Variants in SLC44A5 observed in about 807,000 individuals in gnomAD.
The protein encoded by SLC44A5 is choline transporter-like protein 5.
Under a neutral mutation model 101.8 loss-of-function variants are expected in SLC44A5, and 57 were observed. The ratio of observed to expected loss-of-function variants is 0.56; its 90% confidence interval spans 0.45 to 0.70. SLC44A5 has a LOEUF of 0.70. Among genes scored for constraint, SLC44A5 ranks in the 30% least tolerant of loss-of-function variants. The pLI, the probability that SLC44A5 is intolerant of heterozygous loss-of-function variation, is 0.00. For synonymous variants in SLC44A5, 281 were observed against 290.9 expected (o/e 0.97, Z 0.35); for missense variants, 737 against 853.1 (o/e 0.86, Z 1.70).
chr1:75,658,532 G>A, the SLC44A5 span, among the ~76,000 whole-genome samples: 1 of 151,956 alleles, frequency 6.6e-6, no homozygotes, highest in Non-Finnish European at 1.5e-5. Context: ...ACAACAAATG[G>A]GTCAATGAAG....
At chr1:75,701,395 AC>A in the SLC44A5 span, among the ~76,000 whole-genome samples, 4 of 152,254 alleles carry the variant, frequency 2.6e-5, no homozygotes, top group Non-Finnish European at 5.9e-5. Context: ...AACAGAACCA[AC>A]AACAAAAACC....
At position 75,203,981 on chromosome 1, in the gene SLC44A5, A is replaced by G; in HGVS notation, c.2048-148T>C. The G allele has an allele frequency of 2.0e-6, 2 of 995,598 alleles. 1 individual carries two copies. Among genetic ancestry groups the G allele is most frequent in the South Asian group, 4.4e-5 (2 of 45,964 alleles). 61.7% of individuals were successfully genotyped at this position (995,598 alleles called of 1,614,324 possible). A position where few individuals can be genotyped will look rare whatever the true frequency, so the allele number is the denominator to read the frequency against. ...TGTTTTTTAAACAGCATAGTTTGGC[A>G]TCAACATTATTGTAAACATAGTTAT... On this transcript the variant is annotated intron_variant, in intron 23 of 23. Coordinates refer to ENST00000370859, the MANE Select transcript of SLC44A5 (RefSeq NM_001130058.2).
At chr1:75,570,782 C>T (rs1029508826) in intron 1 of SLC44A5, among the ~76,000 whole-genome samples, 2 of 152,052 alleles carry the variant, frequency 1.3e-5, no homozygotes, top group African/African-American at 4.8e-5. Flanking sequence ...AGGCACTTAA[C>T]ACTGAACGAA....
At chr1:75,712,772 T>C in the SLC44A5 span, among the ~76,000 whole-genome samples, 1 of 151,698 alleles carries the variant, frequency 6.6e-6, no homozygotes, top group South Asian at 2.1e-4. Flanking sequence ...AAAAATTAGT[T>C]TTATAATTAC....
At chr1:75,708,413 CAAAAAAAA>C in the SLC44A5 span, among the ~76,000 whole-genome samples, 3 of 39,072 alleles carry the variant, frequency 7.7e-5, no homozygotes, top group African/African-American at 2.2e-4. Context: ...GACTCCGTCT[CAAAAAAAA>C]AAAAAAAAAA....
chr1:75,593,121 C>T (rs1382896413), intron 1 of SLC44A5, among the ~76,000 whole-genome samples: 2 of 151,942 alleles, frequency 1.3e-5, no homozygotes, highest in African/African-American at 4.8e-5. Flanking sequence ...CCAGAATACA[C>T]AAGGAACTCA....
At chr1:75,268,843 C>G (rs1326297299) in intron 6 of SLC44A5, among the ~76,000 whole-genome samples, 1 of 152,062 alleles carries the variant, frequency 6.6e-6, no homozygotes, top group African/African-American at 2.4e-5. Flanking sequence ...TTATAATTGA[C>G]TATACCGTAA....
chr1:75,344,197 T>C (rs1179344732), intron 3 of SLC44A5, among the ~76,000 whole-genome samples: 1 of 152,144 alleles, frequency 6.6e-6, no homozygotes, highest in Non-Finnish European at 1.5e-5. Context: ...TACTGGCCAC[T>C]GTGCCAAAGT....
the SLC44A5 span, among the ~76,000 whole-genome samples, chr1:75,683,887 C>T: frequency 6.6e-6 from 1 of 151,654 alleles, no homozygotes; most frequent in Non-Finnish European, 1.5e-5. Context: ...ATATTCCATG[C>T]AAACAGAAAA....
At chr1:75,418,067 A>G (rs1456582966) in intron 2 of SLC44A5, among the ~76,000 whole-genome samples, 1 of 152,256 alleles carries the variant, frequency 6.6e-6, no homozygotes, top group Non-Finnish European at 1.5e-5. Flanking sequence ...GGCACTAAAA[A>G]TACAGAAATA....
the SLC44A5 span, among the ~76,000 whole-genome samples, chr1:75,656,708 C>T: frequency 6.6e-6 from 1 of 152,006 alleles, no homozygotes; most frequent in Non-Finnish European, 1.5e-5. Context: ...TTAAAACATA[C>T]TGCCAGAGAA....
intron 2 of SLC44A5, among the ~76,000 whole-genome samples, chr1:75,417,815 T>G (rs1182602487): frequency 6.6e-6 from 1 of 152,162 alleles, no homozygotes; most frequent in Non-Finnish European, 1.5e-5. Context: ...AAATCCATAC[T>G]GAAAAGGATG....
chr1:75,482,255 C>G (rs1486589648), intron 2 of SLC44A5, among the ~76,000 whole-genome samples: 1 of 150,512 alleles, frequency 6.6e-6, no homozygotes, highest in Non-Finnish European at 1.5e-5. Flanking sequence ...GAACATCACA[C>G]TCTAGGGACT....
intron 2 of SLC44A5, among the ~76,000 whole-genome samples, chr1:75,407,182 A>G (rs143012747): frequency 1.3e-5 from 2 of 152,330 alleles, no homozygotes; most frequent in East Asian, 3.9e-4. Context: ...AAAGAGAACT[A>G]CAAACCACTG....
chr1:75,586,911 T>TC (rs1674036816), intron 1 of SLC44A5, among the ~76,000 whole-genome samples: 1 of 151,740 alleles, frequency 6.6e-6, no homozygotes, highest in Non-Finnish European at 1.5e-5. Context: ...TTTGTGATTT[T>TC]TTTTTTAAGT....
At chr1:75,287,619 T>C (rs1019117107) in intron 5 of SLC44A5, among the ~76,000 whole-genome samples, 1 of 152,066 alleles carries the variant, frequency 6.6e-6, no homozygotes, top group Non-Finnish European at 1.5e-5. Flanking sequence ...GCTGTTCAGA[T>C]TATTTTATCT....
intron 1 of SLC44A5, among the ~76,000 whole-genome samples, chr1:75,562,170 A>G (rs1157986626): frequency 6.6e-6 from 1 of 152,144 alleles, no homozygotes; most frequent in Non-Finnish European, 1.5e-5. Flanking sequence ...TAAAATTTTG[A>G]TGAACTCCTT....
chr1:75,293,444 G>T (rs534241117), intron 5 of SLC44A5, among the ~76,000 whole-genome samples: 1 of 152,140 alleles, frequency 6.6e-6, no homozygotes, highest in Admixed American at 6.5e-5. Flanking sequence ...AACACTTGCT[G>T]GTTGGGAATG....
chr1:75,384,148 C>T (rs1661121020), intron 3 of SLC44A5, among the ~76,000 whole-genome samples: 1 of 151,950 alleles, frequency 6.6e-6, no homozygotes, highest in South Asian at 2.1e-4. Flanking sequence ...ACTGCATGAA[C>T]TAACGAGCAA....
Sources: allele counts gnomAD v4.1 joint callset (sites outside exome capture counted in the v4.1 genomes callset), GRCh38; gene constraint gnomAD v4.1.1; transcripts MANE v1.5; gene names NCBI Gene and HGNC (gene_info 2026-07-23, HGNC 2026-07-21).